ADGRL2: variants seen among roughly 807,000 people sequenced by gnomAD.
The protein encoded by ADGRL2 is adhesion G protein-coupled receptor L2, also known as calcium-independent alpha-latrotoxin receptor 2.
A neutral mutation model predicts 157.4 loss-of-function variants in ADGRL2; 44 were observed. The ratio of observed to expected loss-of-function variants is 0.28; its 90% CI spans 0.22 to 0.36. ADGRL2 has a LOEUF of 0.36. Among genes scored for constraint, ADGRL2 ranks in the 10% least tolerant of loss-of-function variants. The pLI is 1.00. For synonymous variants in ADGRL2, 585 were observed against 624.7 expected (o/e 0.94, Z 0.95); for missense variants, 1,510 against 1,768.9 (o/e 0.85, Z 2.63).
chr1:81,315,736 T>C (rs1660059701), intron 1 of ADGRL2, among the ~76,000 whole-genome samples: 1 of 151,038 alleles, frequency 6.6e-6, no homozygotes, highest in Non-Finnish European at 1.5e-5. Context: ...AATAGATAAG[T>C]TCAAAATAAA....
intron 2 of ADGRL2, among the ~76,000 whole-genome samples, chr1:81,877,145 G>A (rs2093861805): frequency 6.6e-6 from 1 of 151,982 alleles, no homozygotes; most frequent in Non-Finnish European, 1.5e-5. Flanking sequence ...ACTTCAAGGT[G>A]GCATAAAATA....
chr1:81,699,391 G>A (rs893418359), upstream of ADGRL2, among the ~76,000 whole-genome samples: 2 of 152,198 alleles, frequency 1.3e-5, no homozygotes, highest in African/African-American at 4.8e-5. Context: ...GTAGCAATGA[G>A]CATTGTGTAC....
chr1:81,385,056 C>A (rs1468469644), intron 1 of ADGRL2, among the ~76,000 whole-genome samples: 1 of 152,110 alleles, frequency 6.6e-6, no homozygotes, highest in Non-Finnish European at 1.5e-5. Flanking sequence ...TGCCTGTACT[C>A]AGGTAGTCTT....
intron 3 of ADGRL2, among the ~76,000 whole-genome samples, chr1:81,654,237 C>T (rs539612632): frequency 1.3e-5 from 2 of 152,296 alleles, no homozygotes; most frequent in East Asian, 1.9e-4. Flanking sequence ...TGAGCCACCA[C>T]ACCCAGCCTC....
intron 3 of ADGRL2, among the ~76,000 whole-genome samples, chr1:81,685,786 T>C (rs2083216850): frequency 2.0e-5 from 3 of 152,186 alleles, no homozygotes; most frequent in Non-Finnish European, 4.4e-5. Flanking sequence ...ACAGATTGCT[T>C]TTATTACATT....
chr1:81,413,963 C>T (rs991540256), intron 1 of ADGRL2, among the ~76,000 whole-genome samples: 11 of 152,090 alleles, frequency 7.2e-5, no homozygotes, highest in African/African-American at 1.7e-4. Context: ...CTGTGAAAGT[C>T]GCCTAAAGAC....
chr1:81,356,952 C>CAAAAAAAAAAAAAAAAAAAAAAAA (rs757239865), intron 1 of ADGRL2, among the ~76,000 whole-genome samples: 11 of 55,672 alleles, frequency 2.0e-4, no homozygotes, highest in African/African-American at 7.4e-4. Context: ...GACTCCGTCT[C>CAAAAAAAAAAAAAAAAAAAAAAAA]AAAAAAAAAA....
chr1:81,722,666 T>G, intron 1 of ADGRL2: 1 of 1,316,352 alleles, frequency 7.6e-7, no homozygotes, highest in Non-Finnish European at 1.1e-6. Context: ...CTGAAAGAAG[T>G]TCAACCTAGG....
At chr1:81,892,914 T>C (rs2094300217) in intron 2 of ADGRL2, among the ~76,000 whole-genome samples, 2 of 152,188 alleles carry the variant, frequency 1.3e-5, no homozygotes, top group South Asian at 2.1e-4. Flanking sequence ...TTGAATTCCA[T>C]TTGTAAAACA....
At chr1:81,531,810 C>T (rs1180058516) in intron 2 of ADGRL2, among the ~76,000 whole-genome samples, 2 of 152,114 alleles carry the variant, frequency 1.3e-5, no homozygotes, top group African/African-American at 4.8e-5. Flanking sequence ...GAAACCAACT[C>T]CAAGATGAAT....
chr1:81,827,901 A>G (rs886340057), intron 1 of ADGRL2, among the ~76,000 whole-genome samples: 1 of 152,178 alleles, frequency 6.6e-6, no homozygotes, highest in Non-Finnish European at 1.5e-5. Flanking sequence ...AAATAATGCT[A>G]CTTTGTTTTT....
chr1:81,311,245 A>G (rs1187381999), intron 1 of ADGRL2, among the ~76,000 whole-genome samples: 1 of 152,124 alleles, frequency 6.6e-6, no homozygotes, highest in East Asian at 1.9e-4. Context: ...TCTGTTTGTT[A>G]CTGTTGTTGT....
At chr1:81,564,273 A>G (rs2080509768) in intron 2 of ADGRL2, among the ~76,000 whole-genome samples, 1 of 152,218 alleles carries the variant, frequency 6.6e-6, no homozygotes, top group Non-Finnish European at 1.5e-5. Context: ...TTAAGGGAAC[A>G]AACATATTAT....
intron 1 of ADGRL2, among the ~76,000 whole-genome samples, chr1:81,755,146 G>A (rs2085639627): frequency 9.7e-6 from 1 of 102,738 alleles, no homozygotes; most frequent in Non-Finnish European, 1.9e-5. Flanking sequence ...ATATATATGT[G>A]TTTATATATA....
chr1:81,585,064 C>G (rs1468806617), intron 3 of ADGRL2, among the ~76,000 whole-genome samples: 3 of 152,116 alleles, frequency 2.0e-5, no homozygotes, highest in African/African-American at 7.2e-5. Context: ...ATGTTACTTA[C>G]CTGCAATCAA....
At chr1:81,912,673 A>G (rs2094759022) in intron 3 of ADGRL2, among the ~76,000 whole-genome samples, 1 of 152,182 alleles carries the variant, frequency 6.6e-6, no homozygotes, top group Non-Finnish European at 1.5e-5. Flanking sequence ...ATTGCCATAA[A>G]AAAAAACGGA....
chr1:81,400,066 T>A (rs1422724651), intron 1 of ADGRL2, among the ~76,000 whole-genome samples: 4 of 152,166 alleles, frequency 2.6e-5, no homozygotes, highest in African/African-American at 9.7e-5. Context: ...TAACTATGCA[T>A]GCTTCAGTGG....
intron 1 of ADGRL2, among the ~76,000 whole-genome samples, chr1:81,728,222 C>T (rs1477573082): frequency 1.3e-5 from 2 of 152,122 alleles, no homozygotes; most frequent in East Asian, 1.9e-4. Context: ...TAGGCAAAAA[C>T]AAGTTCTACA....
intron 3 of ADGRL2, among the ~76,000 whole-genome samples, chr1:81,935,549 A>G (rs1485437802): frequency 1.3e-5 from 2 of 151,844 alleles, no homozygotes; most frequent in Non-Finnish European, 2.9e-5. Flanking sequence ...CCCTTTAGTT[A>G]GTGGTGCTAG....
Sources: allele counts gnomAD v4.1 joint callset (sites outside exome capture counted in the v4.1 genomes callset), GRCh38; gene constraint gnomAD v4.1.1; transcripts MANE v1.5; gene names NCBI Gene and HGNC (gene_info 2026-07-23, HGNC 2026-07-21).